The following COL5A2 variants were observed in gnomAD, a reference collection of about 807,000 sequenced individuals.
COL5A2 encodes the protein collagen type V alpha 2 chain.
COL5A2 carries 23 observed loss-of-function variants against 208.2 expected under a neutral mutation model. That is an observed-to-expected ratio of 0.11 (90% confidence interval 0.08 to 0.16). COL5A2 has a LOEUF of 0.16. Ranked by LOEUF, COL5A2 falls within the 10% of genes least tolerant of loss-of-function variation. The pLI is 1.00. For synonymous variants in COL5A2, 625 were observed against 628.5 expected, an observed-to-expected ratio of 0.99 and a Z score of 0.08; for missense variants, 1,590 against 1,956.4, an observed-to-expected ratio of 0.81 and a Z score of 3.53.
At chr2:189,248,974 G>C in the COL5A2 span, among the ~76,000 whole-genome samples, 3 of 152,014 alleles carry the variant, frequency 2.0e-5, no homozygotes, top group Non-Finnish European at 4.4e-5. Context: ...CAAATGATTT[G>C]GGATAAATTA....
chr2:189,308,909 G>A, the COL5A2 span, among the ~76,000 whole-genome samples: 4 of 152,168 alleles, frequency 2.6e-5, no homozygotes, highest in Non-Finnish European at 4.4e-5. Flanking sequence ...TTTTCAGGAT[G>A]TCCTAGGACT....
At chr2:189,132,345 G>A (rs764983852) in intron 1 of COL5A2, among the ~76,000 whole-genome samples, 3 of 152,106 alleles carry the variant, frequency 2.0e-5, no homozygotes, top group South Asian at 2.1e-4. Context: ...CTGATTTTAC[G>A]TTTTTCTTTT....
Position 189,052,119 on chromosome 2 carries a change from G to A in COL5A2, c.2769+53C>T, listed in dbSNP as rs138326711. ...TAATAAATTTAACTCAAATGTATAC[G>A]TGTGTGTGTAATTATTTCATTATCA... is the stretch of plus-strand genomic sequence containing the variant. On this transcript the variant is annotated intron_variant, in intron 41 of 53. Coordinates refer to ENST00000374866, the MANE Select transcript of COL5A2 (RefSeq NM_000393.5). The A allele has an allele frequency of 5.0e-3, 7,020 of 1,394,846 alleles. 39 individuals are homozygous for A. The highest frequency in any genetic ancestry group is 0.011 in the Middle Eastern group (63 of 5,538). 86.4% of individuals were successfully genotyped at this position (1,394,846 alleles called of 1,614,324 possible).
intron 1 of COL5A2, among the ~76,000 whole-genome samples, chr2:189,142,766 A>C (rs1687958868): frequency 6.6e-6 from 1 of 151,972 alleles, no homozygotes; most frequent in Non-Finnish European, 1.5e-5. Flanking sequence ...CACCTTTCTC[A>C]AACCTCAGCA....
chr2:189,117,344 TAGAAATTTCAGC>T (rs1419022330), intron 1 of COL5A2, among the ~76,000 whole-genome samples: 1 of 152,178 alleles, frequency 6.6e-6, no homozygotes, highest in Non-Finnish European at 1.5e-5. Context: ...ATCTATACAC[TAGAAATTTCAGC>T]AGTAATTTTT....
At chr2:189,231,151 G>A in the COL5A2 span, among the ~76,000 whole-genome samples, 3 of 149,584 alleles carry the variant, frequency 2.0e-5, no homozygotes, top group African/African-American at 7.3e-5. Context: ...AAAGTACAAT[G>A]GTGGTTGCCA....
intron 1 of COL5A2, among the ~76,000 whole-genome samples, chr2:189,185,869 T>A (rs1219426490): frequency 1.3e-5 from 2 of 152,164 alleles, no homozygotes; most frequent in Non-Finnish European, 1.5e-5. Flanking sequence ...TTCCAAGGTG[T>A]CAATCCCGGA....
At chr2:189,049,500 A>C in intron 43 of COL5A2, 46 bp from the exon 44 acceptor site, 1 of 1,466,082 alleles carries the variant, frequency 6.8e-7, no homozygotes, top group Non-Finnish European at 9.5e-7. Context: ...GAAATTGAAG[A>C]ACGCTAGTTC....
At chr2:189,410,244 T>C in the COL5A2 span, among the ~76,000 whole-genome samples, 1 of 152,190 alleles carries the variant, frequency 6.6e-6, no homozygotes, top group Non-Finnish European at 1.5e-5. Context: ...TTCCATCATA[T>C]TTAATGTATA....
chr2:189,322,209 C>A, the COL5A2 span, among the ~76,000 whole-genome samples: 1 of 152,096 alleles, frequency 6.6e-6, no homozygotes, highest in Admixed American at 6.5e-5. Context: ...GCACTAAATA[C>A]CCACAAGAGA....
chr2:189,268,011 T>A, the COL5A2 span, among the ~76,000 whole-genome samples: 3 of 152,202 alleles, frequency 2.0e-5, no homozygotes, highest in Non-Finnish European at 2.9e-5. Flanking sequence ...TCTCCAGATA[T>A]GTGGGCTTTA....
chr2:189,210,373 A>G (rs1689196505), intron 1 of COL5A2, among the ~76,000 whole-genome samples: 1 of 152,000 alleles, frequency 6.6e-6, no homozygotes, highest in Non-Finnish European at 1.5e-5. Flanking sequence ...AGCCGAGGAG[A>G]ATGAGTCATA....
chr2:189,179,955 C>G (rs1688752534), upstream of COL5A2: 2 of 504,476 alleles, frequency 4.0e-6, no homozygotes, highest in Non-Finnish European at 7.0e-6. Context: ...AACTTTTAAG[C>G]ATAGATGGGG....
At chr2:189,251,515 G>T in the COL5A2 span, among the ~76,000 whole-genome samples, 1 of 152,126 alleles carries the variant, frequency 6.6e-6, no homozygotes, top group African/African-American at 2.4e-5. Flanking sequence ...TAGTTTGAAA[G>T]TCTTAAATAG....
the COL5A2 span, among the ~76,000 whole-genome samples, chr2:189,319,745 G>C: frequency 2.0e-5 from 3 of 152,340 alleles, no homozygotes; most frequent in South Asian, 6.2e-4. Flanking sequence ...GGAGCAGGGC[G>C]TAGCCGAACA....
intron 1 of COL5A2, among the ~76,000 whole-genome samples, chr2:189,136,604 A>G (rs966917851): frequency 1.3e-5 from 2 of 151,238 alleles, no homozygotes; most frequent in Middle Eastern, 6.5e-3. Context: ...AAACACTATG[A>G]AATTTTATGA....
chr2:189,288,864 A>G, the COL5A2 span, among the ~76,000 whole-genome samples: 3 of 152,170 alleles, frequency 2.0e-5, no homozygotes, highest in African/African-American at 7.2e-5. Flanking sequence ...CACCGTGACC[A>G]ACAGGAATTT....
intron 1 of COL5A2, among the ~76,000 whole-genome samples, chr2:189,142,815 T>G (rs1180881237): frequency 1.3e-5 from 2 of 152,096 alleles, no homozygotes; most frequent in African/African-American, 4.8e-5. Flanking sequence ...AACAACTTTG[T>G]CCTCACCTTC....
At chr2:189,176,895 C>G (rs1163193806) in intron 1 of COL5A2, among the ~76,000 whole-genome samples, 3 of 152,128 alleles carry the variant, frequency 2.0e-5, no homozygotes, top group Non-Finnish European at 2.9e-5. Flanking sequence ...CTTTCAGTTT[C>G]TTATAAATTT....
Sources: gnomAD v4.1 joint callset for allele counts (sites outside exome capture counted in the v4.1 genomes callset) on GRCh38, gnomAD v4.1.1 for gene constraint, MANE v1.5 for transcripts, NCBI Gene and HGNC (gene_info 2026-07-23, HGNC 2026-07-21) for gene names.